Variants in UNC13C observed in about 807,000 individuals in gnomAD.
UNC13C encodes the protein protein unc-13 homolog C.
UNC13C carries 174 observed loss-of-function variants against 245.4 expected under a neutral mutation model. The observed-to-expected ratio is 0.71, with a 90% CI of 0.63 to 0.80. The LOEUF is 0.80. UNC13C is among the 30% of genes least tolerant of loss of function. UNC13C has a pLI of 0.00. For synonymous variants in UNC13C, 992 were observed against 895.1 expected (o/e 1.11, Z -1.93); for missense variants, 2,829 against 2,602.9 (o/e 1.09, Z -1.89).
At chr15:54,507,009 GAACT>G (rs1894502725) in intron 22 of UNC13C, 104 bp from the exon 23 acceptor site, 1 of 642,034 alleles carries the variant, frequency 1.6e-6, no homozygotes, top group Admixed American at 3.2e-5. Context: ...AAAAAATGTA[GAACT>G]AAGATGAAAA....
At position 54,333,825 on chromosome 15, in the gene UNC13C, TG is replaced by T. The variant is rs758352806; in HGVS notation, c.4554del (p.Leu1519Ter). On this transcript the variant is annotated frameshift_variant, in exon 16 of 33. Transcript: ENST00000260323. LOFTEE classifies it high-confidence loss of function. ...CAAGACCTGAAATCAACTGTTGACC[TG>T]TTAACAAGTATCACCTTTTTTAGGA... ...RLQDLKSTVD[L>X]LTSITFFRMK... is the part of the protein sequence containing the mutation. The T allele has an allele frequency of 6.2e-7, 1 of 1,605,968 alleles. No homozygotes were observed. The highest frequency in any genetic ancestry group is 8.5e-7 in the Non-Finnish European group (1 of 1,175,676).
the UNC13C span, among the ~76,000 whole-genome samples, chr15:53,863,715 GACA>G: frequency 2.6e-5 from 4 of 152,182 alleles, no homozygotes; most frequent in Non-Finnish European, 5.9e-5. Flanking sequence ...CAGGTTGCCA[GACA>G]ACATTATATT....
the UNC13C span, among the ~76,000 whole-genome samples, chr15:53,861,984 G>A: frequency 2.0e-5 from 3 of 152,016 alleles, no homozygotes; most frequent in East Asian, 1.9e-4. Flanking sequence ...ATTAAATCTC[G>A]GCTGTGAAAT....
intron 4 of UNC13C, among the ~76,000 whole-genome samples, chr15:54,206,957 A>T (rs941162240): frequency 1.3e-5 from 2 of 152,098 alleles, no homozygotes; most frequent in Admixed American, 6.6e-5. Context: ...GTTAAAATAT[A>T]ACCCATTCCT....
chr15:54,002,170 C>G (rs988726586), intron 1 of UNC13C, among the ~76,000 whole-genome samples: 13 of 152,102 alleles, frequency 8.5e-5, no homozygotes, highest in Non-Finnish European at 7.3e-5. Flanking sequence ...CCTGTAGTCC[C>G]AGCTACTCGG....
At chr15:54,306,633 T>G (rs1325752075) in intron 13 of UNC13C, among the ~76,000 whole-genome samples, 1 of 152,022 alleles carries the variant, frequency 6.6e-6, no homozygotes, top group Non-Finnish European at 1.5e-5. Flanking sequence ...AGATTATTTC[T>G]GTCAAGAAAA....
At chr15:54,225,170 CTT>C (rs61048399) in intron 4 of UNC13C, among the ~76,000 whole-genome samples, 5 of 138,592 alleles carry the variant, frequency 3.6e-5, no homozygotes, top group Non-Finnish European at 4.8e-5. Context: ...AGTTCTCTGT[CTT>C]TTTTTTTTTA....
intron 10 of UNC13C, among the ~76,000 whole-genome samples, chr15:54,276,502 T>A (rs1240227851): frequency 1.3e-5 from 2 of 152,058 alleles, no homozygotes; most frequent in Non-Finnish European, 2.9e-5. Context: ...GCATTAATGG[T>A]TTACAGTGTT....
chr15:54,359,359 C>G (rs2039174971), intron 17 of UNC13C, among the ~76,000 whole-genome samples: 1 of 151,756 alleles, frequency 6.6e-6, no homozygotes, highest in Non-Finnish European at 1.5e-5. Context: ...GTATTCCCAC[C>G]TCTTCAATTT....
At chr15:54,398,773 AT>A (rs570798780) in intron 18 of UNC13C, among the ~76,000 whole-genome samples, 3 of 151,222 alleles carry the variant, frequency 2.0e-5, no homozygotes, top group East Asian at 3.9e-4. Flanking sequence ...GTCTGTTATT[AT>A]TTTTTTATGT....
At chr15:54,196,599 C>A (rs763439057) in intron 4 of UNC13C, among the ~76,000 whole-genome samples, 2 of 152,118 alleles carry the variant, frequency 1.3e-5, no homozygotes, top group African/African-American at 4.8e-5. Context: ...ATATTAACAT[C>A]CAACAATTGT....
the UNC13C span, among the ~76,000 whole-genome samples, chr15:53,853,682 C>T: frequency 6.6e-6 from 1 of 152,148 alleles, no homozygotes; most frequent in Non-Finnish European, 1.5e-5. Context: ...TTAATAATAG[C>T]CATTCTGTCT....
intron 2 of UNC13C, among the ~76,000 whole-genome samples, chr15:54,092,357 C>G (rs888177395): frequency 6.6e-6 from 1 of 152,122 alleles, no homozygotes; most frequent in Non-Finnish European, 1.5e-5. Flanking sequence ...CAAGTCTTTA[C>G]AGAGGATCTG....
intron 17 of UNC13C, among the ~76,000 whole-genome samples, chr15:54,346,046 C>A (rs1291569417): frequency 2.6e-5 from 4 of 152,102 alleles, no homozygotes; most frequent in Non-Finnish European, 5.9e-5. Flanking sequence ...GTTCTCTATT[C>A]TCATAATACC....
intron 17 of UNC13C, among the ~76,000 whole-genome samples, chr15:54,359,255 C>T (rs575870928): frequency 1.3e-5 from 2 of 151,938 alleles, no homozygotes; most frequent in African/African-American, 4.8e-5. Flanking sequence ...CATCTATGTT[C>T]AACAGGGATA....
At chr15:53,994,751 G>A (rs533304222) in intron 1 of UNC13C, among the ~76,000 whole-genome samples, 182 of 152,148 alleles carry the variant, frequency 1.2e-3, no homozygotes, top group South Asian at 6.4e-3. Context: ...TTAATTGAAT[G>A]TGTTTTTTAA....
At chr15:54,220,502 C>G (rs112078159) in intron 4 of UNC13C, among the ~76,000 whole-genome samples, 1 of 150,214 alleles carries the variant, frequency 6.7e-6, no homozygotes, top group South Asian at 2.1e-4. Flanking sequence ...TGCTAAATGA[C>G]GAGTTAATGG....
chr15:54,288,730 A>G (rs2037214754), intron 10 of UNC13C, among the ~76,000 whole-genome samples: 1 of 152,122 alleles, frequency 6.6e-6, no homozygotes, highest in African/African-American at 2.4e-5. Context: ...GCATGTATAT[A>G]TGACTTTTGG....
At chr15:54,584,002 C>T (rs1295613745) in intron 30 of UNC13C, among the ~76,000 whole-genome samples, 3 of 152,200 alleles carry the variant, frequency 2.0e-5, no homozygotes, top group Non-Finnish European at 4.4e-5. Flanking sequence ...TCCCCTCGGG[C>T]TCCTGCCGCT....
Sources: gnomAD v4.1 joint callset for allele counts (sites outside exome capture counted in the v4.1 genomes callset) on GRCh38, gnomAD v4.1.1 for gene constraint, MANE v1.5 for transcripts, NCBI Gene and HGNC (gene_info 2026-07-23, HGNC 2026-07-21) for gene names.